Variants in MAP7 observed in about 807,000 individuals in gnomAD.
MAP7 encodes microtubule associated protein 7.
In MAP7, 52 loss-of-function variants were observed where a neutral mutation model predicts 94.8. That is an observed-to-expected ratio of 0.55 (90% CI 0.44 to 0.69). MAP7 has a LOEUF of 0.69. Ranked by LOEUF, MAP7 falls within the 30% of genes least tolerant of loss-of-function variation. MAP7 has a pLI of 0.00. For missense variants in MAP7, 940 were observed against 964.6 expected, an observed-to-expected ratio of 0.97 and a Z score of 0.34; for synonymous variants, 350 against 357.0, an observed-to-expected ratio of 0.98 and a Z score of 0.22.
At chr6:136,390,605 AT>A (rs1417251522) in intron 3 of MAP7, among the ~76,000 whole-genome samples, 1 of 152,198 alleles carries the variant, frequency 6.6e-6, no homozygotes, top group Non-Finnish European at 1.5e-5. Flanking sequence ...GCAAGCCAAG[AT>A]TGTGCCACTG....
chr6:136,361,258 T>G, intron 11 of MAP7, 79 bp from the exon 12 acceptor site: 1 of 1,484,412 alleles, frequency 6.7e-7, no homozygotes, highest in Non-Finnish European at 9.2e-7. Context: ...TCGGTGGTTC[T>G]GTAGGGCGGT....
intron 1 of MAP7, among the ~76,000 whole-genome samples, chr6:136,442,649 C>T (rs546687976): frequency 6.6e-6 from 1 of 152,192 alleles, no homozygotes; most frequent in Admixed American, 6.5e-5. Flanking sequence ...TTTAGAACCA[C>T]CAACTCACAG....
At chr6:136,474,030 T>C (rs905547646) in intron 1 of MAP7, among the ~76,000 whole-genome samples, 1 of 151,974 alleles carries the variant, frequency 6.6e-6, no homozygotes, top group African/African-American at 2.4e-5. Context: ...TCTGAGGAAG[T>C]AGCAGTACAG....
At chr6:136,425,996 T>A (rs1793019518) in intron 1 of MAP7, among the ~76,000 whole-genome samples, 1 of 152,224 alleles carries the variant, frequency 6.6e-6, no homozygotes, top group Non-Finnish European at 1.5e-5. Flanking sequence ...CCTTTTCTTG[T>A]CCTATGTTTC....
chr6:136,356,209 C>T (rs1204534690), intron 16 of MAP7, among the ~76,000 whole-genome samples: 1 of 152,184 alleles, frequency 6.6e-6, no homozygotes, highest in African/African-American at 2.4e-5. Flanking sequence ...CTCTGTCACC[C>T]AGGCTGGACT....
rs557085619 is a variant in MAP7, at chr6:136,500,667, G to T, written c.67+49675C>A. Among the ~76,000 whole-genome samples the T allele has an allele frequency of 2.0e-5, 3 of 152,204 alleles. No individual in the cohort carries two copies. In the South Asian group the frequency reaches 6.2e-4, roughly 32 times the overall value. ...AAGTGCATCTACCTGAATCCCAAAG[G>T]GATTTGAATGGGAAAAAGCAAACTT... On this transcript the variant is annotated intron_variant, in intron 1 of 17. Coordinates refer to ENST00000354570, the MANE Select transcript of MAP7 (RefSeq NM_003980.6).
chr6:136,476,070 C>T (rs1288601087), intron 1 of MAP7: 2 of 152,170 alleles, frequency 1.3e-5, no homozygotes, highest in African/African-American at 4.8e-5. Flanking sequence ...AAGCAGAAAG[C>T]TCGTGGGGCA....
intron 1 of MAP7, among the ~76,000 whole-genome samples, chr6:136,507,654 A>G (rs1216137487): frequency 1.3e-5 from 2 of 152,172 alleles, no homozygotes; most frequent in African/African-American, 4.8e-5. Flanking sequence ...TATTAATAAC[A>G]TTCGTTACCA....
chr6:136,409,052 GA>G lies in MAP7; in HGVS notation c.244+2567del, dbSNP rs1033622184. On this transcript the variant is annotated intron_variant, in intron 3 of 17. Transcript: ENST00000354570. Reference sequence around the variant, plus strand: ...AGTTCTAACTATGATGGTTTAAATGGAAAAAAAAAATAGGCAAAAAGGCACT... The same window carrying G: ...AGTTCTAACTATGATGGTTTAAATGGAAAAAAAAATAGGCAAAAAGGCACT... 5.3e-3 allele frequency among the ~76,000 whole-genome samples: 766 copies of G among 143,248 alleles called. 7 individuals carry two copies. The highest frequency in any genetic ancestry group is 0.018 in the African/African-American group (725 of 39,230). 94.0% of individuals were successfully genotyped at this position (143,248 alleles called of 152,430 possible).
At position 136,389,421 on chromosome 6, in the gene MAP7, C is replaced by T. The variant is rs777089779; in HGVS notation, c.341G>A (p.Arg114Lys). The change falls in exon 4 of 18, where the codon AGG becomes AAG. Residue 114 changes from arginine to lysine, a missense_variant. Physicochemically the swap from Arg to Lys is conservative, Grantham distance 26. Coordinates refer to ENST00000354570, the MANE Select transcript of MAP7 (RefSeq NM_003980.6). Reference protein sequence around the residue: ...EERKKRLEEQRQKEERRRAAV... With the variant: ...EERKKRLEEQKQKEERRRAAV... ...AGCCCTCCTCCGCTCCTCCTTCTGC[C>T]TCTGCTCCTCCAACCTCTTCTTCCG... 2.5e-6 allele frequency: 4 copies of T among 1,596,630 alleles called. No individual in the cohort carries two copies. The highest frequency in any genetic ancestry group is 3.4e-6 in the Non-Finnish European group (4 of 1,173,540).
At chr6:136,519,415 C>T (rs1282746478) in intron 1 of MAP7, among the ~76,000 whole-genome samples, 3 of 151,974 alleles carry the variant, frequency 2.0e-5, no homozygotes, top group African/African-American at 7.3e-5. Context: ...GCAAGCCTTA[C>T]AGAACAAAAG....
chr6:136,467,713 G>C (rs1434747795), intron 1 of MAP7, among the ~76,000 whole-genome samples: 2 of 152,130 alleles, frequency 1.3e-5, no homozygotes, highest in Non-Finnish European at 2.9e-5. Flanking sequence ...CGAGGAGAAA[G>C]GATCAGGTTA....
intron 1 of MAP7, among the ~76,000 whole-genome samples, chr6:136,505,539 G>A (rs758973053): frequency 1.2e-4 from 18 of 151,518 alleles, no homozygotes; most frequent in Non-Finnish European, 2.2e-4. Flanking sequence ...CTAGACAATC[G>A]CTAGGCATCT....
At chr6:136,450,357 A>G (rs1004756673) in intron 1 of MAP7, among the ~76,000 whole-genome samples, 4 of 152,126 alleles carry the variant, frequency 2.6e-5, no homozygotes, top group African/African-American at 9.7e-5. Flanking sequence ...TCATAAACAT[A>G]GATTTTTTTT....
intron 3 of MAP7, among the ~76,000 whole-genome samples, chr6:136,402,938 A>AAAAG (rs1784576034): frequency 7.2e-6 from 1 of 139,572 alleles, no homozygotes; most frequent in African/African-American, 2.8e-5. Context: ...AAAAAAAAAA[A>AAAAG]AAAGAAAGAA....
At chr6:136,483,825 C>A (rs907481495) in intron 1 of MAP7, among the ~76,000 whole-genome samples, 2 of 152,262 alleles carry the variant, frequency 1.3e-5, no homozygotes, top group African/African-American at 4.8e-5. Flanking sequence ...AAAATGGATT[C>A]TTTTACATAG....
intron 1 of MAP7, among the ~76,000 whole-genome samples, chr6:136,426,184 T>G (rs555206046): frequency 6.6e-6 from 1 of 152,364 alleles, no homozygotes; most frequent in East Asian, 1.9e-4. Flanking sequence ...TATCTGCTCA[T>G]GTATTTCTGC....
chr6:136,409,467 G>C (rs1206590884), intron 3 of MAP7, among the ~76,000 whole-genome samples: 4 of 152,206 alleles, frequency 2.6e-5, no homozygotes, highest in Non-Finnish European at 4.4e-5. Flanking sequence ...TGTAATAATA[G>C]AATAATACAA....
intron 1 of MAP7, among the ~76,000 whole-genome samples, chr6:136,497,982 C>A (rs1818791501): frequency 6.6e-6 from 1 of 151,880 alleles, no homozygotes; most frequent in Non-Finnish European, 1.5e-5. Context: ...GACTCCTGAC[C>A]ACATATCCTT....
Sources: gnomAD v4.1 joint callset for allele counts (sites outside exome capture counted in the v4.1 genomes callset) on GRCh38, gnomAD v4.1.1 for gene constraint, MANE v1.5 for transcripts, NCBI Gene and HGNC (gene_info 2026-07-23, HGNC 2026-07-21) for gene names.